Variants in OSBPL1A observed in about 807,000 individuals in gnomAD.
The protein encoded by OSBPL1A is oxysterol-binding protein-related protein 1.
OSBPL1A carries 80 observed loss-of-function variants against 137.1 expected under a neutral mutation model. That is an observed-to-expected ratio of 0.58 (90% CI 0.49 to 0.70). OSBPL1A has a LOEUF of 0.70. OSBPL1A is among the 30% of genes least tolerant of loss of function. The pLI is 0.00. For missense variants in OSBPL1A, 970 were observed against 1,129.4 expected, an observed-to-expected ratio of 0.86 and a Z score of 2.02; for synonymous variants, 365 against 389.7, an observed-to-expected ratio of 0.94 and a Z score of 0.75.
chr18:24,251,104 A>G (rs904462101), intron 15 of OSBPL1A, among the ~76,000 whole-genome samples: 1 of 152,210 alleles, frequency 6.6e-6, no homozygotes, highest in Non-Finnish European at 1.5e-5. Context: ...ATAGGACATC[A>G]GGCAAATTTC....
At chr18:24,342,788 T>C (rs1230147489) in intron 4 of OSBPL1A, among the ~76,000 whole-genome samples, 1 of 152,160 alleles carries the variant, frequency 6.6e-6, no homozygotes, top group Non-Finnish European at 1.5e-5. Context: ...ATGATTTTAC[T>C]TACATGCCAC....
intron 4 of OSBPL1A, chr18:24,364,956 T>C (rs1327630960): frequency 7.1e-6 from 1 of 141,520 alleles, no homozygotes; most frequent in East Asian, 2.1e-4. Context: ...GAGGCTGCAG[T>C]GAGCTGAGAC....
intron 15 of OSBPL1A, among the ~76,000 whole-genome samples, chr18:24,268,403 A>G (rs2089634994): frequency 6.6e-6 from 1 of 152,168 alleles, no homozygotes. Context: ...TACAGGTGTG[A>G]GCCACTGCAC....
intron 15 of OSBPL1A, among the ~76,000 whole-genome samples, chr18:24,270,384 C>T (rs1051567424): frequency 4.7e-4 from 71 of 152,202 alleles, no homozygotes; most frequent in Admixed American, 1.2e-3. Context: ...CTTTTACTTC[C>T]CCCCCATTAT....
At chr18:24,180,665 G>C (rs1431397626) in intron 19 of OSBPL1A, among the ~76,000 whole-genome samples, 1 of 152,172 alleles carries the variant, frequency 6.6e-6, no homozygotes, top group Non-Finnish European at 1.5e-5. Flanking sequence ...ACGAGGTCAG[G>C]AGATCGAGAC....
At position 24,178,202 on chromosome 18, in the gene OSBPL1A, A is replaced by G. The variant is rs767565497; in HGVS notation, c.1911-7T>C. 2.2e-6 allele frequency: 3 copies of G among 1,389,720 alleles called. No homozygotes were observed. The highest frequency in any genetic ancestry group is 4.4e-5 in the Admixed American group (2 of 45,202). 86.1% of individuals were successfully genotyped at this position (1,389,720 alleles called of 1,614,324 possible). ...TCTAAATCCAAGGTCATCTCTTAAG[A>G]TTTAAAAAAAAAAAAAAAGAAAAAA... On this transcript the variant is annotated splice_polypyrimidine_tract_variant and splice_region_variant and intron_variant, in intron 20 of 27. Transcript: ENST00000319481.
intron 7 of OSBPL1A, among the ~76,000 whole-genome samples, chr18:24,327,576 AT>A (rs1263027630): frequency 6.6e-6 from 1 of 151,806 alleles, no homozygotes; most frequent in Non-Finnish European, 1.5e-5. Flanking sequence ...CACCCGGCTA[AT>A]TTTTATATTT....
chr18:24,333,116 T>G, intron 6 of OSBPL1A, 30 bp from the exon 7 acceptor site: 2 of 1,606,844 alleles, frequency 1.2e-6, no homozygotes, highest in Non-Finnish European at 1.7e-6. Context: ...AATGCAGAAT[T>G]ATATATCAAA....
chr18:24,229,981 C>T (rs1041857524), intron 16 of OSBPL1A, among the ~76,000 whole-genome samples: 1 of 152,160 alleles, frequency 6.6e-6, no homozygotes, highest in African/African-American at 2.4e-5. Flanking sequence ...AACTCCTGGC[C>T]TCAGGTGATC....
At position 24,324,700 on chromosome 18, in the gene OSBPL1A, C is replaced by T. The variant is rs572024886; in HGVS notation, c.626-5891G>A. 6.1e-4 allele frequency among the ~76,000 whole-genome samples: 90 copies of T among 147,444 alleles called. 3 individuals carry two copies. The South Asian group carries it at 0.019, about 32-fold the overall frequency. ...TCAGGAGGCTGAGGTGGGAGCATTG[C>T]TTGAATCTTAGAGGTAGAGGTTGCA... On this transcript the variant is annotated intron_variant, in intron 7 of 27. Transcript: ENST00000319481.
chr18:24,229,873 C>A (rs2088215566), intron 16 of OSBPL1A, among the ~76,000 whole-genome samples: 2 of 152,204 alleles, frequency 1.3e-5, no homozygotes, highest in South Asian at 4.1e-4. Flanking sequence ...GCCCCAGCCT[C>A]CCAAGTACCT....
At chr18:24,239,113 A>G (rs2088596192) in intron 16 of OSBPL1A, 107 bp downstream of exon 16, 1 of 1,335,994 alleles carries the variant, frequency 7.5e-7, no homozygotes, top group Non-Finnish European at 1.0e-6. Flanking sequence ...ATTCCAGGAA[A>G]CTCTAGGTGA....
chr18:24,289,698 G>A (rs2090141541), intron 14 of OSBPL1A, among the ~76,000 whole-genome samples: 1 of 152,112 alleles, frequency 6.6e-6, no homozygotes, highest in African/African-American at 2.4e-5. Context: ...CGGATTACAG[G>A]CATGAGCCAC....
intron 17 of OSBPL1A, among the ~76,000 whole-genome samples, chr18:24,206,578 T>C (rs952347233): frequency 6.6e-6 from 1 of 152,212 alleles, no homozygotes; most frequent in African/African-American, 2.4e-5. Flanking sequence ...AAACATTCCA[T>C]TGACATGATT....
intron 4 of OSBPL1A, among the ~76,000 whole-genome samples, chr18:24,353,485 T>C (rs1334923960): frequency 6.6e-6 from 1 of 152,000 alleles, no homozygotes; most frequent in Non-Finnish European, 1.5e-5. Context: ...GTAAACTAGT[T>C]CAACCATTGT....
intron 14 of OSBPL1A, among the ~76,000 whole-genome samples, chr18:24,283,317 CACACACACAG>C (rs1567999381): frequency 7.4e-6 from 1 of 134,676 alleles, no homozygotes; most frequent in African/African-American, 2.8e-5. Flanking sequence ...TATATATACA[CACACACACAG>C]ACACACACAC....
At chr18:24,234,182 T>A (rs1448835842) in intron 16 of OSBPL1A, among the ~76,000 whole-genome samples, 1 of 152,206 alleles carries the variant, frequency 6.6e-6, no homozygotes, top group Non-Finnish European at 1.5e-5. Context: ...AGCATTTCTA[T>A]AAGCTTATTT....
intron 17 of OSBPL1A, among the ~76,000 whole-genome samples, chr18:24,205,887 C>A (rs550869899): frequency 6.6e-6 from 1 of 152,248 alleles, no homozygotes; most frequent in South Asian, 2.1e-4. Context: ...CCCTAGGAAG[C>A]CTTTTTTATT....
chr18:24,350,088 TA>T lies in OSBPL1A; in HGVS notation c.283-8431del, dbSNP rs763799340. ...TAGCTCGGCATATGGCCACCAAGAA[TA>T]AAGACTACATTTCCTCGCTCCCCTT... is the stretch of plus-strand genomic sequence containing the variant. On this transcript the variant is annotated intron_variant, in intron 4 of 27. Coordinates refer to ENST00000319481, the MANE Select transcript of OSBPL1A (RefSeq NM_080597.4). 9.8e-4 allele frequency among the ~76,000 whole-genome samples: 150 copies of T among 152,318 alleles called. 1 individual carries two copies. The East Asian group carries it at 0.019, about 19-fold the overall frequency.
Sources: allele counts gnomAD v4.1 joint callset (sites outside exome capture counted in the v4.1 genomes callset), GRCh38; gene constraint gnomAD v4.1.1; transcripts MANE v1.5; gene names NCBI Gene and HGNC (gene_info 2026-07-23, HGNC 2026-07-21).